SDK1: variants seen among roughly 807,000 people sequenced by gnomAD.
The protein encoded by SDK1 is protein sidekick-1.
Under a neutral mutation model 245.5 loss-of-function variants are expected in SDK1, and 157 were observed. The ratio of observed to expected loss-of-function variants is 0.64; its 90% confidence interval spans 0.56 to 0.73. SDK1 has a LOEUF of 0.73. Ranked by LOEUF, SDK1 falls within the 30% of genes least tolerant of loss-of-function variation. The pLI is 0.00. For synonymous variants in SDK1, 1,647 were observed against 1,278.5 expected (o/e 1.29, Z -6.15); for missense variants, 3,583 against 3,002.3 (o/e 1.19, Z -4.52).
chr7:3,918,477 G>A (rs1779465762), intron 5 of SDK1, among the ~76,000 whole-genome samples: 1 of 152,160 alleles, frequency 6.6e-6, no homozygotes, highest in African/African-American at 2.4e-5. Context: ...CTGATGATCT[G>A]TCCCTGTCTC....
intron 5 of SDK1, among the ~76,000 whole-genome samples, chr7:3,822,659 AG>A (rs765654144): frequency 6.6e-6 from 1 of 151,896 alleles, no homozygotes; most frequent in Non-Finnish European, 1.5e-5. Flanking sequence ...TTCCAGCTAC[AG>A]GGGAGGCTGA....
intron 28 of SDK1, among the ~76,000 whole-genome samples, chr7:4,137,553 A>G (rs181461062): frequency 6.6e-6 from 1 of 152,288 alleles, no homozygotes; most frequent in East Asian, 1.9e-4. Context: ...TTCCAGGTGT[A>G]TTCAGAAACC....
At chr7:3,982,830 A>T (rs1446401312) in intron 13 of SDK1, among the ~76,000 whole-genome samples, 2 of 151,804 alleles carry the variant, frequency 1.3e-5, no homozygotes, top group East Asian at 3.9e-4. Context: ...ACAGAGCGAG[A>T]CAACATCTCA....
chr7:3,819,808 A>G (rs901270366), intron 4 of SDK1, among the ~76,000 whole-genome samples: 2 of 152,210 alleles, frequency 1.3e-5, no homozygotes, highest in African/African-American at 2.4e-5. Flanking sequence ...ATAATTTTAT[A>G]TAATGTGTAA....
intron 33 of SDK1, among the ~76,000 whole-genome samples, chr7:4,174,752 C>T (rs750200920): frequency 7.9e-5 from 12 of 152,132 alleles, no homozygotes; most frequent in South Asian, 2.1e-4. Flanking sequence ...ACAGCCTCAG[C>T]GTGGAGCCCA....
At chr7:3,734,804 G>C (rs1779275060) in intron 4 of SDK1, among the ~76,000 whole-genome samples, 1 of 152,218 alleles carries the variant, frequency 6.6e-6, no homozygotes, top group Non-Finnish European at 1.5e-5. Context: ...CTTATAAACA[G>C]ATTATAGTAT....
At chr7:3,941,247 T>C (rs10264343) in intron 5 of SDK1, among the ~76,000 whole-genome samples, 42,165 of 151,938 alleles carry the variant, frequency 0.28, 6,044 homozygotes, top group Middle Eastern at 0.4. Context: ...CCTTGACCCA[T>C]TGGACTTTGC....
chr7:4,100,442 G>A (rs533712278), intron 22 of SDK1, among the ~76,000 whole-genome samples: 1 of 152,298 alleles, frequency 6.6e-6, no homozygotes, highest in South Asian at 2.1e-4. Context: ...AGCTAAGGCA[G>A]GCACCAGGCG....
intron 31 of SDK1, among the ~76,000 whole-genome samples, chr7:4,161,530 A>G (rs1333608764): frequency 6.6e-6 from 1 of 152,130 alleles, no homozygotes; most frequent in African/African-American, 2.4e-5. Context: ...GGCTCTCGGA[A>G]TGTCCACCAC....
intron 1 of SDK1, among the ~76,000 whole-genome samples, chr7:3,335,568 A>C (rs1365358230): frequency 6.6e-6 from 1 of 152,122 alleles, no homozygotes; most frequent in Non-Finnish European, 1.5e-5. Context: ...AAATTATTCT[A>C]CAGGTCTTGT....
intron 1 of SDK1, among the ~76,000 whole-genome samples, chr7:3,372,784 A>AT (rs1488162552): frequency 6.6e-6 from 1 of 152,204 alleles, no homozygotes; most frequent in Non-Finnish European, 1.5e-5. Context: ...GAGAGCGTGC[A>AT]TTGCAGGCTT....
rs138970938 is a variant in SDK1 at position 3,758,916 on chromosome 7, A to C, written c.714-62534A>C. Reference sequence around the variant, plus strand: ...CTGTATCTATTTAAAAATAACCGTGAGTTTCTACAAGTATTTCTGAGTCTA... The same window carrying C: ...CTGTATCTATTTAAAAATAACCGTGCGTTTCTACAAGTATTTCTGAGTCTA... On this transcript the variant is annotated intron_variant, in intron 4 of 44. Transcript: ENST00000404826. 1.4e-4 allele frequency among the ~76,000 whole-genome samples: 22 copies of C among 152,170 alleles called. No individual in the cohort carries two copies. The East Asian group carries it at 4.3e-3, about 29-fold the overall frequency.
At chr7:4,245,646 G>C (rs755724465) in intron 43 of SDK1, 30 bp from the exon 44 acceptor site, 20 of 1,608,704 alleles carry the variant, frequency 1.2e-5, no homozygotes, top group Non-Finnish European at 1.7e-5. Flanking sequence ...TTTGCCCAGA[G>C]GGTAATTGCA....
chr7:3,962,481 G>A (rs573132309), intron 8 of SDK1, among the ~76,000 whole-genome samples, 176 bp from the exon 9 acceptor site: 34 of 152,306 alleles, frequency 2.2e-4, no homozygotes, highest in African/African-American at 6.5e-4. Flanking sequence ...ACACCCCTCC[G>A]TGTCGATGGC....
At chr7:3,522,534 G>T in intron 1 of SDK1, among the ~76,000 whole-genome samples, 1 of 147,902 alleles carries the variant, frequency 6.8e-6, no homozygotes, top group South Asian at 2.2e-4. Flanking sequence ...GATTATCTTG[G>T]GTGCCCCTTC....
In SDK1 at chr7:3,681,807, C is replaced by G. The variant is rs529327611; in HGVS notation, c.713+39702C>G. Among the ~76,000 whole-genome samples the G allele has an allele frequency of 8.3e-4, 127 of 152,274 alleles. 1 individual carries two copies. Among genetic ancestry groups the G allele is most frequent in the African/African-American group, 3.0e-3 (125 of 41,562 alleles). The stretch of plus-strand genomic sequence containing the variant: ...TCTATTTATTGATTAACTTTCCTTT[C>G]ACATGAATTGGATTAGAACAAACAG... On this transcript the variant is annotated intron_variant, in intron 4 of 44. Transcript: ENST00000404826.
chr7:3,933,704 A>AG (rs1780060291), intron 5 of SDK1, among the ~76,000 whole-genome samples: 2 of 152,224 alleles, frequency 1.3e-5, no homozygotes, highest in African/African-American at 2.4e-5. Context: ...GGAATACGTG[A>AG]GAAAAAAAGT....
intron 1 of SDK1, among the ~76,000 whole-genome samples, chr7:3,347,876 C>T (rs1018789073): frequency 7.2e-6 from 1 of 138,914 alleles, no homozygotes; most frequent in Non-Finnish European, 1.5e-5. Flanking sequence ...GAGCCAGTTA[C>T]AAACACATTA....
intron 2 of SDK1, among the ~76,000 whole-genome samples, chr7:3,622,986 A>G (rs1781991249): frequency 6.6e-6 from 1 of 152,030 alleles, no homozygotes; most frequent in Non-Finnish European, 1.5e-5. Flanking sequence ...TCCAGTAAGC[A>G]TGTTCATTTA....
Sources: allele counts gnomAD v4.1 joint callset (sites outside exome capture counted in the v4.1 genomes callset), GRCh38; gene constraint gnomAD v4.1.1; transcripts MANE v1.5; gene names NCBI Gene and HGNC (gene_info 2026-07-23, HGNC 2026-07-21).